Variants in TATDN3 observed in about 807,000 individuals in gnomAD.
TATDN3 encodes TatD DNase domain containing 3, also known as deoxyribonuclease TATDN3.
A neutral mutation model predicts 40.1 loss-of-function variants in TATDN3; 29 were observed. The observed-to-expected ratio is 0.72, with a 90% CI of 0.54 to 0.99. TATDN3 has a LOEUF of 0.99. Ranked by LOEUF, TATDN3 falls within the 50% of genes least tolerant of loss-of-function variation. The probability of loss-of-function intolerance (pLI) is 0.00; values close to 1 mark genes in which losing one functional copy is unlikely to be tolerated. For synonymous variants in TATDN3, 105 were observed against 117.0 expected (o/e 0.90, Z 0.66); for missense variants, 309 against 321.9 (o/e 0.96, Z 0.31).
rs895199913 is a variant in TATDN3 at position 212,816,443 on chromosome 1, T to A, written c.*1287T>A. ...TTAATGCCACTGAACTGTACACTTA[T>A]AACGAATTAGGATAAATTTTATGTT... On this transcript the variant is annotated 3_prime_UTR_variant, in exon 10 of 10. Coordinates refer to ENST00000366974, the MANE Select transcript of TATDN3 (RefSeq NM_001042552.3). The A allele has an allele frequency of 6.6e-6, 1 of 152,258 alleles. No individual in the cohort carries two copies. The highest frequency in any genetic ancestry group is 2.4e-5 in the African/African-American group (1 of 41,470). 9.4% of individuals were successfully genotyped at this position (152,258 alleles called of 1,614,324 possible).
intron 1 of TATDN3, among the ~76,000 whole-genome samples, chr1:212,792,571 G>A (rs1661404447): frequency 6.9e-6 from 1 of 145,608 alleles, no homozygotes; most frequent in Admixed American, 7.1e-5. Context: ...GGAGGTGGAG[G>A]TTGCAGTGAG....
intron 8 of TATDN3, among the ~76,000 whole-genome samples, chr1:212,809,612 G>A (rs1488472135): frequency 1.3e-5 from 2 of 151,818 alleles, no homozygotes; most frequent in Non-Finnish European, 2.9e-5. Flanking sequence ...TGAACCCGGG[G>A]GGGCAGAGCC....
chr1:212,816,470 T>C lies in TATDN3; in HGVS notation c.*1314T>C, dbSNP rs1663191270. Reference sequence around the variant, plus strand: ...ACGAATTAGGATAAATTTTATGTTATGTGTATTTACTACAATTTTTTAAAA... The same window carrying C: ...ACGAATTAGGATAAATTTTATGTTACGTGTATTTACTACAATTTTTTAAAA... On this transcript the variant is annotated 3_prime_UTR_variant, in exon 10 of 10. Transcript: ENST00000366974. 1.3e-5 allele frequency: 2 copies of C among 152,232 alleles called. No individual in the cohort carries two copies. Among genetic ancestry groups the C allele is most frequent in the African/African-American group, 2.4e-5 (1 of 41,438 alleles). 9.4% of individuals were successfully genotyped at this position (152,232 alleles called of 1,614,324 possible).
intron 7 of TATDN3, among the ~76,000 whole-genome samples, chr1:212,804,962 T>C (rs1273119706): frequency 3.9e-5 from 6 of 152,232 alleles, no homozygotes; most frequent in South Asian, 4.1e-4. Context: ...GTTTCTTTTA[T>C]TTATTTATTT....
intron 1 of TATDN3, chr1:212,794,819 C>T (rs1297292743): frequency 1.7e-6 from 1 of 574,600 alleles, no homozygotes; most frequent in African/African-American, 1.9e-5. Flanking sequence ...GTGAGGGATT[C>T]CGAATGCTGC....
At chr1:212,795,801 CT>C (rs1471409569) in intron 2 of TATDN3, among the ~76,000 whole-genome samples, 4 of 152,166 alleles carry the variant, frequency 2.6e-5, no homozygotes, top group Non-Finnish European at 4.4e-5. Flanking sequence ...TCACAATAGC[CT>C]TCTGAGGAAA....
intron 8 of TATDN3, among the ~76,000 whole-genome samples, chr1:212,808,287 G>T (rs1662659586): frequency 6.6e-6 from 1 of 150,428 alleles, no homozygotes; most frequent in Non-Finnish European, 1.5e-5. Flanking sequence ...ACTCCAGCCT[G>T]GTCAACAAGG....
Position 212,816,338 on chromosome 1 carries a change from CAAAA to C in TATDN3, c.*1186_*1189del, listed in dbSNP as rs915489701. On this transcript the variant is annotated 3_prime_UTR_variant, in exon 10 of 10. Transcript: ENST00000366974. ...TAAAAATGTAAATAAATAAAAATCT[CAAAA>C]AAATTAAAAATCTCAAGTGTAAAAA... 9.9e-5 allele frequency: 15 copies of C among 151,880 alleles called. No homozygotes were observed. Among genetic ancestry groups the C allele is most frequent in the Non-Finnish European group, 2.1e-4 (14 of 67,984 alleles). 9.4% of individuals were successfully genotyped at this position (151,880 alleles called of 1,614,324 possible).
chr1:212,796,673 T>A (rs1334650477), intron 3 of TATDN3, 83 bp downstream of exon 3: 1 of 994,762 alleles, frequency 1.0e-6, no homozygotes, highest in African/African-American at 1.7e-5. Flanking sequence ...AAGATCCATT[T>A]TTAAAGAGAA....
At chr1:212,808,693 C>T (rs932369376) in intron 8 of TATDN3, among the ~76,000 whole-genome samples, 5 of 151,938 alleles carry the variant, frequency 3.3e-5, no homozygotes, top group African/African-American at 1.2e-4. Context: ...TACAAATGGC[C>T]AATAAGCTCA....
chr1:212,803,407 C>T (rs1024548155), intron 5 of TATDN3, among the ~76,000 whole-genome samples: 3 of 152,030 alleles, frequency 2.0e-5, no homozygotes, highest in Non-Finnish European at 4.4e-5. Flanking sequence ...TGGTCTTGGA[C>T]ACCTGGCCTC....
At chr1:212,807,358 TC>T (rs1455501714) in intron 7 of TATDN3, among the ~76,000 whole-genome samples, 1 of 151,994 alleles carries the variant, frequency 6.6e-6, no homozygotes, top group Non-Finnish European at 1.5e-5. Flanking sequence ...ACTCAGGTGA[TC>T]CTCCCACCTT....
intron 7 of TATDN3, among the ~76,000 whole-genome samples, chr1:212,806,084 A>G (rs1365228255): frequency 1.3e-5 from 2 of 152,248 alleles, no homozygotes; most frequent in African/African-American, 4.8e-5. Context: ...GCCTGCAACT[A>G]GAAATCAGTG....
intron 1 of TATDN3, among the ~76,000 whole-genome samples, chr1:212,792,370 G>T (rs1661372069): frequency 6.6e-6 from 1 of 151,204 alleles, no homozygotes; most frequent in Non-Finnish European, 1.5e-5. Context: ...GCGGGCTCAC[G>T]CCCGTAATCC....
At chr1:212,793,275 T>C (rs772186381) in intron 1 of TATDN3, among the ~76,000 whole-genome samples, 9 of 152,204 alleles carry the variant, frequency 5.9e-5, no homozygotes, top group Non-Finnish European at 1.3e-4. Context: ...TGCAATAGCA[T>C]GATCTCAGGT....
intron 2 of TATDN3, 74 bp downstream of exon 2, chr1:212,795,201 T>C: frequency 9.9e-7 from 1 of 1,006,030 alleles, no homozygotes; most frequent in South Asian, 1.3e-5. Flanking sequence ...AGCTTGAAAT[T>C]TAGATATACT....
intron 9 of TATDN3, among the ~76,000 whole-genome samples, chr1:212,813,360 T>G (rs930015370): frequency 2.0e-5 from 3 of 152,210 alleles, no homozygotes; most frequent in Admixed American, 2.0e-4. Context: ...CCTCCCAATG[T>G]GCAGTTTAAT....
chr1:212,811,679 G>A (rs1468441403), intron 8 of TATDN3, among the ~76,000 whole-genome samples: 2 of 151,192 alleles, frequency 1.3e-5, no homozygotes, highest in Admixed American at 6.6e-5. Flanking sequence ...GCTAATTTTT[G>A]TATTTGTATT....
Position 212,802,718 on chromosome 1 carries a change from G to A in TATDN3, c.276G>A (p.Leu92=), listed in dbSNP as rs1228784048. ...SVTLKDLDVA[L]PIIENYKDRL... ...TCTCCCAGGATTTGGATGTAGCTTT[G>A]CCCATTATTGAGAATTATAAGGATC... is the stretch of plus-strand genomic sequence containing the variant. Residue 92 remains leucine, a synonymous_variant, in exon 5 of 10, where the codon TTG becomes TTA. Transcript: ENST00000366974. 1 of 1,612,712 alleles carries A rather than the reference G, an allele frequency of 6.2e-7. No homozygotes were observed.
Sources: gnomAD v4.1 joint callset for allele counts (sites outside exome capture counted in the v4.1 genomes callset) on GRCh38, gnomAD v4.1.1 for gene constraint, MANE v1.5 for transcripts, NCBI Gene and HGNC (gene_info 2026-07-23, HGNC 2026-07-21) for gene names.